ST6GALNAC3: variants seen among roughly 807,000 people sequenced by gnomAD.
ST6GALNAC3 encodes ST6 N-acetylgalactosaminide alpha-2,6-sialyltransferase 3.
Under a neutral mutation model 32.7 loss-of-function variants are expected in ST6GALNAC3, and 25 were observed. The observed-to-expected ratio is 0.76, with a 90% CI of 0.56 to 1.07. The LOEUF (loss-of-function observed/expected upper bound fraction) is 1.07. Ranked by LOEUF, ST6GALNAC3 falls within the 50% of genes least tolerant of loss-of-function variation. The pLI is 0.00. For missense variants in ST6GALNAC3, 355 were observed against 382.4 expected, an observed-to-expected ratio of 0.93 and a Z score of 0.60; for synonymous variants, 129 against 133.1, an observed-to-expected ratio of 0.97 and a Z score of 0.21.
At chr1:76,636,517 A>G (rs1432291573), downstream of ST6GALNAC3, among the ~76,000 whole-genome samples, 1 of 152,182 alleles carries the variant, frequency 6.6e-6, no homozygotes, top group African/African-American at 2.4e-5. Flanking sequence ...TAACATTGGC[A>G]TATGAACTTA....
intron 1 of ST6GALNAC3, among the ~76,000 whole-genome samples, chr1:76,295,971 C>T (rs2100832572): frequency 6.6e-6 from 1 of 152,110 alleles, no homozygotes; most frequent in East Asian, 1.9e-4. Context: ...GATCTTGCAC[C>T]TCCTATTTTT....
intron 3 of ST6GALNAC3, among the ~76,000 whole-genome samples, chr1:76,480,420 C>G (rs1244194063): frequency 1.3e-5 from 2 of 152,098 alleles, no homozygotes; most frequent in Admixed American, 6.6e-5. Flanking sequence ...TTTCCTTTAA[C>G]TGTAAACATG....
chr1:76,266,841 G>A lies in ST6GALNAC3; in HGVS notation c.19-46964G>A, dbSNP rs116201351. On this transcript the variant is annotated intron_variant, in intron 1 of 4. Coordinates refer to ENST00000328299, the MANE Select transcript of ST6GALNAC3 (RefSeq NM_152996.4). ...CATTTGTCTCTCCAGCCATGTGTTA[G>A]GCTCTGTGGCCACCCACAATCTCAG... Among the ~76,000 whole-genome samples the A allele has an allele frequency of 7.1e-3, 1,080 of 152,328 alleles. 18 individuals are homozygous for A. The highest frequency in any genetic ancestry group is 0.024 in the African/African-American group (1,006 of 41,572).
chr1:76,235,711 A>G (rs1353600784), intron 1 of ST6GALNAC3, among the ~76,000 whole-genome samples: 2 of 148,788 alleles, frequency 1.3e-5, no homozygotes, highest in East Asian at 2.0e-4. Flanking sequence ...AGGTGCCACA[A>G]ACTGGGTGAC....
In ST6GALNAC3 at chr1:76,630,835, A is replaced by C. The variant is rs1477903132; in HGVS notation, c.*2029A>C. 2 of 985,530 alleles carry C rather than the reference A, an allele frequency of 2.0e-6. No individual in the cohort carries two copies. Among genetic ancestry groups the C allele is most frequent in the East Asian group, 2.3e-4 (2 of 8,814 alleles). 61.0% of individuals were successfully genotyped at this position (985,530 alleles called of 1,614,324 possible). On this transcript the variant is annotated 3_prime_UTR_variant, in exon 5 of 5. Coordinates refer to ENST00000328299, the MANE Select transcript of ST6GALNAC3 (RefSeq NM_152996.4). ...TTAAGTTTTTTTGAGCTAATGATAG[A>C]TAGAAATGCCCACTCAAAGAAAAAT...
chr1:76,569,261 T>G (rs953676337), intron 3 of ST6GALNAC3, among the ~76,000 whole-genome samples: 4 of 152,154 alleles, frequency 2.6e-5, no homozygotes, highest in Non-Finnish European at 4.4e-5. Flanking sequence ...AGACATATTT[T>G]GTTGTATTGG....
intron 3 of ST6GALNAC3, among the ~76,000 whole-genome samples, chr1:76,616,478 T>C (rs545329071): frequency 6.6e-6 from 1 of 152,320 alleles, no homozygotes; most frequent in Non-Finnish European, 1.5e-5. Context: ...ATGGAGCAGA[T>C]AGCTCCCCAT....
chr1:76,217,509 ACTTCTT>A (rs375723234), intron 1 of ST6GALNAC3, among the ~76,000 whole-genome samples: 1 of 151,844 alleles, frequency 6.6e-6, no homozygotes, highest in African/African-American at 2.4e-5. Context: ...TGCAAACACA[ACTTCTT>A]CTTATTATTA....
At chr1:76,112,462 C>T (rs1172344242) in intron 1 of ST6GALNAC3, among the ~76,000 whole-genome samples, 9 of 149,718 alleles carry the variant, frequency 6.0e-5, no homozygotes, top group Non-Finnish European at 1.0e-4. Context: ...GCTGGCCGGG[C>T]GGGGGGCTAA....
At position 76,422,641 on chromosome 1, in the gene ST6GALNAC3, C is replaced by A. The variant is rs1341612947; in HGVS notation, c.623+10224C>A. Among the ~76,000 whole-genome samples the A allele has an allele frequency of 2.0e-5, 3 of 151,938 alleles. No individual in the cohort carries two copies. The East Asian group carries it at 5.8e-4, about 29-fold the overall frequency. ...TTCCTGGACTTTCTGGGTTGGTATG[C>A]TTGGATTGAGGCCCAAGAGTTTGCA... On this transcript the variant is annotated intron_variant, in intron 3 of 4. Transcript: ENST00000328299.
intron 2 of ST6GALNAC3, among the ~76,000 whole-genome samples, chr1:76,383,508 A>G (rs1452068864): frequency 2.6e-5 from 4 of 151,318 alleles, no homozygotes; most frequent in Non-Finnish European, 5.9e-5. Context: ...ACAGGCTCAA[A>G]CAATCCTCTG....
intron 1 of ST6GALNAC3, among the ~76,000 whole-genome samples, chr1:76,082,655 T>C (rs1293298325): frequency 6.6e-6 from 1 of 152,144 alleles, no homozygotes; most frequent in African/African-American, 2.4e-5. Flanking sequence ...CCTGGGATAT[T>C]AAGAGACTTT....
At chr1:76,418,215 G>T (rs1467996206) in intron 3 of ST6GALNAC3, among the ~76,000 whole-genome samples, 1 of 152,110 alleles carries the variant, frequency 6.6e-6, no homozygotes, top group South Asian at 2.1e-4. Context: ...GCGTGGTCAA[G>T]TGTAGAGATG....
At chr1:76,242,252 A>C (rs890612311) in intron 1 of ST6GALNAC3, among the ~76,000 whole-genome samples, 4 of 152,010 alleles carry the variant, frequency 2.6e-5, no homozygotes, top group Non-Finnish European at 5.9e-5. Flanking sequence ...TGTAATCACA[A>C]AAAAAAGAGT....
intron 3 of ST6GALNAC3, among the ~76,000 whole-genome samples, chr1:76,570,257 G>C (rs1405249435): frequency 1.3e-5 from 2 of 152,040 alleles, no homozygotes; most frequent in African/African-American, 2.4e-5. Flanking sequence ...TATTAAAAAT[G>C]TATGTATGGT....
intron 1 of ST6GALNAC3, among the ~76,000 whole-genome samples, chr1:76,220,203 A>T (rs1208432400): frequency 6.6e-6 from 1 of 152,066 alleles, no homozygotes; most frequent in African/African-American, 2.4e-5. Flanking sequence ...ACTTTCTTGA[A>T]TTTTTTTCCC....
intron 3 of ST6GALNAC3, 68 bp from the exon 4 acceptor site, chr1:76,627,384 C>T (rs1198885887): frequency 9.7e-7 from 1 of 1,025,902 alleles, no homozygotes; most frequent in East Asian, 2.4e-5. Flanking sequence ...TTCTCACACA[C>T]CTTATTGTTC....
intron 3 of ST6GALNAC3, among the ~76,000 whole-genome samples, chr1:76,590,971 T>A (rs1647038339): frequency 6.6e-6 from 1 of 152,116 alleles, no homozygotes; most frequent in Non-Finnish European, 1.5e-5. Context: ...AACTTATGGT[T>A]TGGAAAAAGA....
intron 3 of ST6GALNAC3, among the ~76,000 whole-genome samples, chr1:76,531,532 G>A (rs1383685377): frequency 4.6e-5 from 7 of 152,190 alleles, no homozygotes; most frequent in African/African-American, 1.7e-4. Flanking sequence ...TATAGAAACT[G>A]AGTCTGTTAG....
Sources: allele counts gnomAD v4.1 joint callset (sites outside exome capture counted in the v4.1 genomes callset), GRCh38; gene constraint gnomAD v4.1.1; transcripts MANE v1.5; gene names NCBI Gene and HGNC (gene_info 2026-07-23, HGNC 2026-07-21).